Variants in OTUD7A observed in about 807,000 individuals in gnomAD.
OTUD7A encodes the protein OTU deubiquitinase 7A, also known as OTU domain-containing protein 7A.
OTUD7A carries 12 observed loss-of-function variants against 65.7 expected under a neutral mutation model. The ratio of observed to expected loss-of-function variants is 0.18; its 90% confidence interval spans 0.12 to 0.30. The LOEUF (loss-of-function observed/expected upper bound fraction) is 0.30, where lower values mean the gene tolerates loss of function less well. OTUD7A is among the 10% of genes least tolerant of loss of function. The pLI, the probability that OTUD7A is intolerant of heterozygous loss-of-function variation, is 1.00. For synonymous variants in OTUD7A, 641 were observed against 586.3 expected, an observed-to-expected ratio of 1.09 and a Z score of -1.35; for missense variants, 1,148 against 1,304.8, an observed-to-expected ratio of 0.88 and a Z score of 1.85.
At chr15:31,504,168 A>G (rs2041520052) in intron 8 of OTUD7A, among the ~76,000 whole-genome samples, 1 of 152,158 alleles carries the variant, frequency 6.6e-6, no homozygotes, top group Non-Finnish European at 1.5e-5. Context: ...TTCACAAGGA[A>G]GCAGTGGGGG....
At chr15:31,604,898 T>A (rs1242294408) in intron 3 of OTUD7A, among the ~76,000 whole-genome samples, 2 of 151,972 alleles carry the variant, frequency 1.3e-5, no homozygotes, top group African/African-American at 4.8e-5. Flanking sequence ...GGAAAGGAGG[T>A]CCTGCATGAG....
chr15:31,758,454 C>G (rs1380346968), intron 1 of OTUD7A, among the ~76,000 whole-genome samples: 2 of 149,882 alleles, frequency 1.3e-5, no homozygotes, highest in African/African-American at 4.9e-5. Context: ...CACACAAACT[C>G]TGCAGAAACC....
chr15:31,813,934 C>T (rs1001544363), intron 1 of OTUD7A, among the ~76,000 whole-genome samples: 3 of 152,136 alleles, frequency 2.0e-5, no homozygotes, highest in Non-Finnish European at 2.9e-5. Flanking sequence ...TGGAAAACCA[C>T]CAGAGGAATT....
intron 1 of OTUD7A, among the ~76,000 whole-genome samples, chr15:31,718,679 C>G (rs1163595991): frequency 7.5e-6 from 1 of 133,472 alleles, no homozygotes; most frequent in African/African-American, 2.5e-5. Flanking sequence ...TAATTCCCAG[C>G]ACTTGTTAAA....
Position 31,791,113 on chromosome 15 carries a change from G to A in OTUD7A, c.-100+79394C>T, listed in dbSNP as rs572715075. ...TCGATCTCGGCTCACTGCAACCTCC[G>A]CATCCTGGGTTCAAGCGATTCTCCT... On this transcript the variant is annotated intron_variant, in intron 1 of 12. Coordinates refer to ENST00000307050, the MANE Select transcript of OTUD7A (RefSeq NM_001382637.1). Among the ~76,000 whole-genome samples, 11 of 152,162 alleles carry A rather than the reference G, an allele frequency of 7.2e-5. No homozygotes were observed. In the South Asian group the frequency reaches 1.5e-3, roughly 20 times the overall value.
chr15:31,483,183 CAG>C lies in OTUD7A; in HGVS notation c.*109_*110del. 1 of 983,790 alleles carries C rather than the reference CAG, an allele frequency of 1.0e-6. No homozygotes were observed. Among genetic ancestry groups the C allele is most frequent in the Non-Finnish European group, 1.2e-6 (1 of 818,866 alleles). 60.9% of individuals were successfully genotyped at this position (983,790 alleles called of 1,614,324 possible). On this transcript the variant is annotated 3_prime_UTR_variant, in exon 13 of 13. Transcript: ENST00000307050. ...TGACCAAACACGTACACGGCACTGA[CAG>C]AGGAGGCGCCGGCCTTCCGGTGGAC...
intron 1 of OTUD7A, among the ~76,000 whole-genome samples, chr15:31,838,055 G>A (rs1175819604): frequency 1.3e-5 from 2 of 152,262 alleles, no homozygotes; most frequent in Admixed American, 1.3e-4. Flanking sequence ...CAGTGCTGGA[G>A]CAATTGCACA....
At chr15:31,798,553 A>T (rs1896034466) in intron 1 of OTUD7A, among the ~76,000 whole-genome samples, 1 of 152,230 alleles carries the variant, frequency 6.6e-6, no homozygotes, top group Non-Finnish European at 1.5e-5. Context: ...AGGGAAGTGG[A>T]GTGCATGGGC....
intron 8 of OTUD7A, among the ~76,000 whole-genome samples, chr15:31,517,429 T>C (rs372403851): frequency 1.3e-5 from 2 of 152,366 alleles, no homozygotes; most frequent in African/African-American, 4.8e-5. Flanking sequence ...TGTCTTCTTC[T>C]TGTGAGTTTG....
chr15:31,546,328 C>CT (rs1468946410), intron 5 of OTUD7A, among the ~76,000 whole-genome samples: 4 of 152,198 alleles, frequency 2.6e-5, no homozygotes, highest in Non-Finnish European at 5.9e-5. Context: ...AATGTGTCCC[C>CT]TCCAAATTCA....
chr15:31,768,377 T>C (rs1895143975), intron 1 of OTUD7A, among the ~76,000 whole-genome samples: 1 of 152,182 alleles, frequency 6.6e-6, no homozygotes, highest in African/African-American at 2.4e-5. Context: ...GTAAAAGTGA[T>C]GCCAGGCATG....
In OTUD7A at chr15:31,483,293, C is replaced by T; in HGVS notation, c.*1G>A. 1 of 1,138,216 alleles carries T rather than the reference C, an allele frequency of 8.8e-7. No individual in the cohort carries two copies. Among genetic ancestry groups the T allele is most frequent in the Non-Finnish European group, 1.1e-6 (1 of 929,990 alleles). The allele number at this position is 1,138,216 out of a possible 1,614,324, so 70.5% of individuals were successfully genotyped here. ...TCGCCGCCCGCGCCGCGCCGCGCCG[C>T]TCAGGGCCGGGCCCCGCGCGCCTCG... is the stretch of plus-strand genomic sequence containing the variant. On this transcript the variant is annotated 3_prime_UTR_variant, in exon 13 of 13. Coordinates refer to ENST00000307050, the MANE Select transcript of OTUD7A (RefSeq NM_001382637.1).
In OTUD7A at chr15:31,656,862, G is replaced by A. The variant is rs545425023; in HGVS notation, c.-5+121C>T. 9.2e-5 allele frequency: 14 copies of A among 152,370 alleles called. 1 individual carries two copies. In the South Asian group the frequency reaches 1.9e-3, roughly 20 times the overall value. 9.4% of individuals were successfully genotyped at this position (152,370 alleles called of 1,614,324 possible). The stretch of plus-strand genomic sequence containing the variant: ...ACGTGCAAGACCCTGAGGACTGAGG[G>A]TCTCAGGCAGGGAGGTCTGTACCCT... On this transcript the variant is annotated intron_variant, in intron 2 of 12. Transcript: ENST00000307050.
rs896616991 is a variant in OTUD7A, at chr15:31,482,736, C to T, written c.*558G>A. ...GGAGCTGTGTGTTTCTAAAGGGCCACAGTGACCACCAGGGCGTCAGCTGGC... is the reference window on the plus strand; with the variant it reads ...GGAGCTGTGTGTTTCTAAAGGGCCATAGTGACCACCAGGGCGTCAGCTGGC... On this transcript the variant is annotated 3_prime_UTR_variant, in exon 13 of 13. Coordinates refer to ENST00000307050, the MANE Select transcript of OTUD7A (RefSeq NM_001382637.1). The T allele has an allele frequency of 6.6e-6, 1 of 152,196 alleles. No homozygotes were observed. The highest frequency in any genetic ancestry group is 1.5e-5 in the Non-Finnish European group (1 of 68,070). 9.4% of individuals were successfully genotyped at this position (152,196 alleles called of 1,614,324 possible).
Position 31,787,696 on chromosome 15 carries a change from C to A in OTUD7A, c.-100+82811G>T, listed in dbSNP as rs1202720997. The A allele has an allele frequency of 2.6e-5, 4 of 152,170 alleles. No individual in the cohort carries two copies. In the East Asian group the frequency reaches 5.8e-4, roughly 22 times the overall value. 9.4% of individuals were successfully genotyped at this position (152,170 alleles called of 1,614,324 possible). On this transcript the variant is annotated intron_variant, in intron 1 of 12. Transcript: ENST00000307050. ...TGATAGAATTCATAATGGTGAGAAA[C>A]CCTTTGAATAAAAACAATACAGGAG...
At chr15:31,489,513 G>A (rs2041287201) in intron 10 of OTUD7A, among the ~76,000 whole-genome samples, 2 of 152,128 alleles carry the variant, frequency 1.3e-5, no homozygotes. Context: ...CAGGATTTAG[G>A]GGGAACAGGC....
intron 1 of OTUD7A, among the ~76,000 whole-genome samples, chr15:31,789,670 G>T (rs1895761774): frequency 6.6e-6 from 1 of 151,520 alleles, no homozygotes; most frequent in South Asian, 2.1e-4. Flanking sequence ...GTTACTGGGA[G>T]GGGCAGAGGT....
chr15:31,710,047 A>G (rs1703467025), intron 1 of OTUD7A, among the ~76,000 whole-genome samples: 2 of 152,174 alleles, frequency 1.3e-5, no homozygotes, highest in South Asian at 4.1e-4. Flanking sequence ...ATAGAACAGA[A>G]GTGGGAAAAG....
intron 3 of OTUD7A, among the ~76,000 whole-genome samples, chr15:31,615,385 A>T (rs1358594526): frequency 4.6e-5 from 7 of 152,200 alleles, no homozygotes; most frequent in East Asian, 1.9e-4. Context: ...GACAGAAAAA[A>T]GTTTATAATA....
Sources: allele counts gnomAD v4.1 joint callset (sites outside exome capture counted in the v4.1 genomes callset), GRCh38; gene constraint gnomAD v4.1.1; transcripts MANE v1.5; gene names NCBI Gene and HGNC (gene_info 2026-07-23, HGNC 2026-07-21).